TMEM71: variants seen among roughly 807,000 people sequenced by gnomAD.
The protein encoded by TMEM71 is transmembrane protein 71.
In TMEM71, 44 loss-of-function variants were observed where a neutral mutation model predicts 38.0. The observed-to-expected ratio is 1.16, with a 90% CI of 0.91 to 1.49. The LOEUF (loss-of-function observed/expected upper bound fraction) is 1.49, where lower values mean the gene tolerates loss of function less well. TMEM71 is among the 40% of genes most tolerant of loss of function. The pLI, the probability that TMEM71 is intolerant of heterozygous loss-of-function variation, is 0.00. For missense variants in TMEM71, 367 were observed against 348.6 expected, an observed-to-expected ratio of 1.05 and a Z score of -0.42; for synonymous variants, 133 against 122.5, an observed-to-expected ratio of 1.09 and a Z score of -0.56.
intron 2 of TMEM71, chr8:132,758,516 T>G: frequency 4.2e-6 from 1 of 239,620 alleles, no homozygotes; most frequent in South Asian, 7.0e-5. Flanking sequence ...CAAGTAGCTA[T>G]CAAAATCATT....
chr8:132,735,339 T>C (rs1563749723), intron 5 of TMEM71, among the ~76,000 whole-genome samples: 1 of 152,178 alleles, frequency 6.6e-6, no homozygotes, highest in Non-Finnish European at 1.5e-5. Flanking sequence ...GGGGAAGTAA[T>C]GTTTGATTGC....
intron 4 of TMEM71, among the ~76,000 whole-genome samples, chr8:132,749,017 C>G (rs1404877623): frequency 7.9e-5 from 12 of 152,124 alleles, no homozygotes; most frequent in Non-Finnish European, 1.3e-4. Flanking sequence ...AGTATATATC[C>G]AAAACAGTTG....
chr8:132,729,820 A>C (rs997716276), intron 5 of TMEM71, among the ~76,000 whole-genome samples: 3 of 152,204 alleles, frequency 2.0e-5, no homozygotes, highest in Non-Finnish European at 4.4e-5. Context: ...CTATTTCCTC[A>C]ATGAAAGGAT....
At chr8:132,728,546 G>T (rs1182919833) in intron 5 of TMEM71, among the ~76,000 whole-genome samples, 1 of 152,134 alleles carries the variant, frequency 6.6e-6, no homozygotes, top group Non-Finnish European at 1.5e-5. Flanking sequence ...ATTTCAAATG[G>T]CATTTCAATT....
At chr8:132,741,539 A>AG (rs2131128509) in intron 5 of TMEM71, among the ~76,000 whole-genome samples, 1 of 150,600 alleles carries the variant, frequency 6.6e-6, no homozygotes, top group South Asian at 2.1e-4. Flanking sequence ...CTCCAATGAT[A>AG]GGTAAGGTCA....
At chr8:132,728,011 TGA>T in intron 5 of TMEM71, 25 bp from the exon 6 acceptor site, 8 of 1,511,810 alleles carry the variant, frequency 5.3e-6, no homozygotes, top group Non-Finnish European at 5.3e-6. Context: ...GGGTTCAGTG[TGA>T]GTGTGTGTGT....
chr8:132,712,808 A>T (rs1457224064), intron 9 of TMEM71, among the ~76,000 whole-genome samples: 1 of 151,982 alleles, frequency 6.6e-6, no homozygotes, highest in Admixed American at 6.6e-5. Context: ...ATTGTTTTAA[A>T]CAAATGTCAT....
chr8:132,724,371 G>A (rs530275823), intron 6 of TMEM71, among the ~76,000 whole-genome samples: 18 of 152,124 alleles, frequency 1.2e-4, no homozygotes, highest in Non-Finnish European at 2.4e-4. Flanking sequence ...CCTCCCTCCA[G>A]GAATGCAATT....
At chr8:132,753,662 C>A (rs1420049349) in intron 3 of TMEM71, among the ~76,000 whole-genome samples, 1 of 152,184 alleles carries the variant, frequency 6.6e-6, no homozygotes, top group Non-Finnish European at 1.5e-5. Flanking sequence ...AATCTGAAGT[C>A]AATCCCCCTC....
rs77548433 is a variant in TMEM71, at chr8:132,752,067, A to G, written c.102-70T>C. On this transcript the variant is annotated intron_variant, in intron 3 of 9. Coordinates refer to ENST00000677595, the MANE Select transcript of TMEM71 (RefSeq NM_001382403.1). ...TCCAGTCCCAAATAAACCATGTCTC[A>G]TCACTGTGAAGGAAAATAACATCTT... 4.2e-4 allele frequency: 532 copies of G among 1,271,026 alleles called. 3 individuals are homozygous for G. The African/African-American group carries it at 6.4e-3, about 15-fold the overall frequency. The allele number at this position is 1,271,026 out of a possible 1,614,324, so 78.7% of individuals were successfully genotyped here. A position where few individuals can be genotyped will look rare whatever the true frequency, so the allele number is the denominator to read the frequency against.
chr8:132,731,188 A>G (rs1447215300), intron 5 of TMEM71, among the ~76,000 whole-genome samples: 1 of 152,204 alleles, frequency 6.6e-6, no homozygotes, highest in Non-Finnish European at 1.5e-5. Context: ...ATGTAAACAT[A>G]CCAACATATA....
At chr8:132,739,709 C>T (rs1027156492) in intron 5 of TMEM71, among the ~76,000 whole-genome samples, 2 of 152,142 alleles carry the variant, frequency 1.3e-5, no homozygotes, top group African/African-American at 2.4e-5. Flanking sequence ...ATATGACCTA[C>T]TTCTTATGAG....
At chr8:132,731,067 T>C (rs926137614) in intron 5 of TMEM71, among the ~76,000 whole-genome samples, 1 of 152,236 alleles carries the variant, frequency 6.6e-6, no homozygotes, top group Non-Finnish European at 1.5e-5. Context: ...ATTCTAATAC[T>C]AGTAACAGGG....
At chr8:132,718,120 A>G (rs1826632389) in intron 7 of TMEM71, among the ~76,000 whole-genome samples, 1 of 152,204 alleles carries the variant, frequency 6.6e-6, no homozygotes, top group Admixed American at 6.5e-5. Context: ...TAATGGGTAG[A>G]GGGTTTCTTT....
intron 9 of TMEM71, among the ~76,000 whole-genome samples, chr8:132,712,831 C>G (rs1826307188): frequency 7.0e-6 from 1 of 142,342 alleles, no homozygotes; most frequent in African/African-American, 3.1e-5. Context: ...ACTCCTTTTT[C>G]TTTTTTCTTT....
the TMEM71 span, among the ~76,000 whole-genome samples, chr8:132,773,065 G>C: frequency 3.3e-5 from 5 of 152,184 alleles, no homozygotes; most frequent in African/African-American, 1.2e-4. Flanking sequence ...TCTAGGCAGG[G>C]ACAATTATAA....
In TMEM71 at chr8:132,760,035, A is replaced by T. The variant is rs1033476074; in HGVS notation, c.-37+441T>A. ...ATATTGTACGGGTATGCCCAGCCCA[A>T]ATTACCTTATTTTAGTGTTCCCCAA... On this transcript the variant is annotated intron_variant, in intron 1 of 9. Coordinates refer to ENST00000677595, the MANE Select transcript of TMEM71 (RefSeq NM_001382403.1). Among the ~76,000 whole-genome samples, 25 of 152,244 alleles carry T rather than the reference A, an allele frequency of 1.6e-4. No homozygotes were observed. In the East Asian group the frequency reaches 2.5e-3, roughly 15 times the overall value.
In TMEM71 at chr8:132,746,989, C is replaced by T; in HGVS notation, c.440G>A (p.Trp147Ter). 6.2e-7 allele frequency: 1 copy of T among 1,613,336 alleles called. No individual in the cohort carries two copies. The highest frequency in any genetic ancestry group is 8.5e-7 in the Non-Finnish European group (1 of 1,179,750). ...GTCCAACCTCCTGGTCCCCTTCAACCAGTTGTCTTCACTTGGAGAAGAGTT... is the reference window on the plus strand; with the variant it reads ...GTCCAACCTCCTGGTCCCCTTCAACTAGTTGTCTTCACTTGGAGAAGAGTT... ...DINSSPSEDN[W>*]LKGTRRLDTD... The change falls in exon 5 of 10, where the codon TGG becomes TAG. Residue 147 changes from tryptophan (W) to a stop codon, truncating the protein, a stop_gained. Transcript: ENST00000677595. LOFTEE classifies it high-confidence loss of function.
In TMEM71 at chr8:132,727,971, C is replaced by A. The variant is rs1269349471; in HGVS notation, c.503G>T (p.Cys168Phe). Residue 168 changes from cysteine (C) to phenylalanine (F), a missense_variant, in exon 6 of 10, where the codon TGT becomes TTT. Coordinates refer to ENST00000677595, the MANE Select transcript of TMEM71 (RefSeq NM_001382403.1). ...CTCCCAGTCATCAGTCAGAGAAGAA[C>A]AGTCTAAATCATCTGCTGAAAAAGC... ...HCNGNADDLD[C>F]SSLTDDWESG... The A allele has an allele frequency of 1.2e-6, 2 of 1,611,726 alleles. No homozygotes were observed. The highest frequency in any genetic ancestry group is 1.7e-5 in the Admixed American group (1 of 59,842).
Sources: allele counts gnomAD v4.1 joint callset (sites outside exome capture counted in the v4.1 genomes callset), GRCh38; gene constraint gnomAD v4.1.1; transcripts MANE v1.5; gene names NCBI Gene and HGNC (gene_info 2026-07-23, HGNC 2026-07-21).